LMBRD1: variants seen among roughly 807,000 people sequenced by gnomAD.
LMBRD1 encodes the protein LMBR1 domain containing 1, also known as lysosomal cobalamin transport escort protein LMBD1.
A neutral mutation model predicts 74.8 loss-of-function variants in LMBRD1; 64 were observed. The ratio of observed to expected loss-of-function variants is 0.86; its 90% confidence interval spans 0.70 to 1.05. The LOEUF (loss-of-function observed/expected upper bound fraction) is 1.05. Ranked by LOEUF, LMBRD1 falls within the 50% of genes least tolerant of loss-of-function variation. The probability of loss-of-function intolerance (pLI) is 0.00; values close to 1 mark genes in which losing one functional copy is unlikely to be tolerated. For synonymous variants in LMBRD1, 204 were observed against 216.3 expected, an observed-to-expected ratio of 0.94 and a Z score of 0.50; for missense variants, 652 against 645.9, an observed-to-expected ratio of 1.01 and a Z score of -0.10.
chr6:69,792,412 T>C (rs774103633), intron 1 of LMBRD1, among the ~76,000 whole-genome samples: 2 of 152,198 alleles, frequency 1.3e-5, no homozygotes, highest in East Asian at 3.8e-4. Flanking sequence ...CTTCATATAG[T>C]ATGTTGTCTT....
In LMBRD1 at chr6:69,675,813, T is replaced by C; in HGVS notation, c.*345A>G. On this transcript the variant is annotated 3_prime_UTR_variant, in exon 16 of 16. Coordinates refer to ENST00000649934, the MANE Select transcript of LMBRD1 (RefSeq NM_018368.4). ...CACTCTGGAGAACCTAAGGCACAGA[T>C]ACAGATGATTTATTATGTTTTCAAA... 3.7e-6 allele frequency: 1 copy of C among 273,094 alleles called. No individual in the cohort carries two copies. The highest frequency in any genetic ancestry group is 4.3e-5 in the South Asian group (1 of 23,416). 16.9% of individuals were successfully genotyped at this position (273,094 alleles called of 1,614,324 possible).
At chr6:69,680,095 T>C (rs989765591) in intron 14 of LMBRD1, among the ~76,000 whole-genome samples, 2 of 152,136 alleles carry the variant, frequency 1.3e-5, no homozygotes, top group Non-Finnish European at 2.9e-5. Flanking sequence ...CAAATTTGTA[T>C]AATCAGTATC....
chr6:69,679,111 C>T (rs1312053439), intron 14 of LMBRD1, among the ~76,000 whole-genome samples: 1 of 151,832 alleles, frequency 6.6e-6, no homozygotes, highest in Non-Finnish European at 1.5e-5. Context: ...CAACTTCTTC[C>T]TTTTAGGAGC....
rs181531357 is a variant in LMBRD1, at chr6:69,791,862, C to T, written c.70-1390G>A. Among the ~76,000 whole-genome samples, 276 of 152,292 alleles carry T rather than the reference C, an allele frequency of 1.8e-3. 3 individuals are homozygous for T. The highest frequency in any genetic ancestry group is 0.016 in the Admixed American group (252 of 15,300). ...GAGAGCAGTTTTCCATGACTAGAGG[C>T]TAAGGGCTAATAAGACCCTGAAAAA... On this transcript the variant is annotated intron_variant, in intron 1 of 15. Coordinates refer to ENST00000649934, the MANE Select transcript of LMBRD1 (RefSeq NM_018368.4).
At chr6:69,744,483 C>T (rs1767175141) in intron 5 of LMBRD1, among the ~76,000 whole-genome samples, 1 of 152,282 alleles carries the variant, frequency 6.6e-6, no homozygotes, top group East Asian at 1.9e-4. Context: ...TAAAAAACTG[C>T]TTAGTAAAAA....
chr6:69,707,317 C>G lies in LMBRD1; in HGVS notation c.916-5364G>C, dbSNP rs73485505. 6.9e-3 allele frequency among the ~76,000 whole-genome samples: 1,055 copies of G among 152,230 alleles called. 16 individuals are homozygous for G. The highest frequency in any genetic ancestry group is 0.021 in the African/African-American group (882 of 41,540). ...TATTAGACTGAGCCCACCTGAATAA[C>G]CCAGGATAATCTTTATATCTTAAGG... On this transcript the variant is annotated intron_variant, in intron 9 of 15. Coordinates refer to ENST00000649934, the MANE Select transcript of LMBRD1 (RefSeq NM_018368.4).
chr6:69,778,179 A>G (rs1249388559), intron 3 of LMBRD1, among the ~76,000 whole-genome samples: 3 of 152,208 alleles, frequency 2.0e-5, no homozygotes, highest in Non-Finnish European at 4.4e-5. Flanking sequence ...TTTTTAAACA[A>G]ATTTTTTTCC....
intron 7 of LMBRD1, among the ~76,000 whole-genome samples, chr6:69,722,151 C>T (rs1162507672): frequency 6.6e-6 from 1 of 152,052 alleles, no homozygotes; most frequent in Non-Finnish European, 1.5e-5. Context: ...ACTTAAAGTG[C>T]TGAAGATAGA....
At chr6:69,771,859 G>C (rs1045119452) in intron 3 of LMBRD1, among the ~76,000 whole-genome samples, 11 of 146,392 alleles carry the variant, frequency 7.5e-5, no homozygotes, top group South Asian at 2.3e-4. Context: ...TGGTGTCTTA[G>C]ACAGGATTAT....
chr6:69,725,180 T>G (rs956188875), intron 7 of LMBRD1, among the ~76,000 whole-genome samples: 4 of 151,890 alleles, frequency 2.6e-5, no homozygotes, highest in Admixed American at 6.6e-5. Context: ...ATCACTGCAA[T>G]GAAAACTATA....
chr6:69,718,541 C>G (rs1462063001), intron 8 of LMBRD1, among the ~76,000 whole-genome samples: 1 of 152,180 alleles, frequency 6.6e-6, no homozygotes, highest in African/African-American at 2.4e-5. Flanking sequence ...TTGATTGACT[C>G]ACAGTTCCGC....
chr6:69,710,898 C>A (rs1185146957), intron 9 of LMBRD1, among the ~76,000 whole-genome samples: 1 of 152,070 alleles, frequency 6.6e-6, no homozygotes, highest in East Asian at 1.9e-4. Context: ...AAAACAACTT[C>A]GGCAGTTTCT....
At chr6:69,778,634 G>C (rs1189376048) in intron 3 of LMBRD1, among the ~76,000 whole-genome samples, 1 of 152,066 alleles carries the variant, frequency 6.6e-6, no homozygotes, top group East Asian at 1.9e-4. Context: ...ACAGGTGACA[G>C]ACCTCCCCCC....
At chr6:69,733,601 G>T (rs1766909879) in intron 7 of LMBRD1, among the ~76,000 whole-genome samples, 1 of 152,116 alleles carries the variant, frequency 6.6e-6, no homozygotes, top group Non-Finnish European at 1.5e-5. Context: ...CTTGAACAGG[G>T]TATCATCTAC....
intron 5 of LMBRD1, among the ~76,000 whole-genome samples, chr6:69,747,700 G>A (rs1176594579): frequency 6.6e-6 from 1 of 152,148 alleles, no homozygotes; most frequent in African/African-American, 2.4e-5. Flanking sequence ...AAACCTAGAG[G>A]ACAGAGACCA....
chr6:69,679,698 GGACTCTGACA>G (rs1765621909), intron 14 of LMBRD1, among the ~76,000 whole-genome samples: 1 of 152,048 alleles, frequency 6.6e-6, no homozygotes, highest in Non-Finnish European at 1.5e-5. Flanking sequence ...CCCAGGCTCC[GGACTCTGACA>G]GACTTGGAGG....
chr6:69,775,729 C>T (rs983365132), intron 3 of LMBRD1, among the ~76,000 whole-genome samples: 1 of 152,186 alleles, frequency 6.6e-6, no homozygotes, highest in African/African-American at 2.4e-5. Context: ...CCATGCTGTA[C>T]TTGTGTCTCA....
At chr6:69,775,759 G>A (rs1765684648) in intron 3 of LMBRD1, among the ~76,000 whole-genome samples, 1 of 152,106 alleles carries the variant, frequency 6.6e-6, no homozygotes, top group Admixed American at 6.5e-5. Context: ...AATTTTGTCT[G>A]CGCTCTTTGA....
rs1767111402 is a variant in LMBRD1, at chr6:69,741,866, GGAAC to G, written c.481_484del (p.Val161HisfsTer2). 6 of 1,587,670 alleles carry G rather than the reference GGAAC, an allele frequency of 3.8e-6. No homozygotes were observed. The highest frequency in any genetic ancestry group is 4.3e-6 in the Non-Finnish European group (5 of 1,156,434). ...ATTTTTGTTATTGGGAACATTCAAT[GGAAC>G]AAAGGCACTACAAAAGAGAAAATAA... On this transcript the variant is annotated frameshift_variant, in exon 6 of 16. Transcript: ENST00000649934. LOFTEE classifies it high-confidence loss of function.
Sources: allele counts gnomAD v4.1 joint callset (sites outside exome capture counted in the v4.1 genomes callset), GRCh38; gene constraint gnomAD v4.1.1; transcripts MANE v1.5; gene names NCBI Gene and HGNC (gene_info 2026-07-23, HGNC 2026-07-21).